Variants in SH3BP4 observed in about 807,000 individuals in gnomAD.
The protein encoded by SH3BP4 is SH3 domain-binding protein 4.
Under a neutral mutation model 65.5 loss-of-function variants are expected in SH3BP4, and 33 were observed. The ratio of observed to expected loss-of-function variants is 0.50; its 90% confidence interval spans 0.38 to 0.67. SH3BP4 has a LOEUF of 0.67. Ranked by LOEUF, SH3BP4 falls within the 30% of genes least tolerant of loss-of-function variation. SH3BP4 has a pLI of 0.00. For synonymous variants in SH3BP4, 552 were observed against 545.5 expected, an observed-to-expected ratio of 1.01 and a Z score of -0.17; for missense variants, 1,134 against 1,261.4, an observed-to-expected ratio of 0.90 and a Z score of 1.53.
In SH3BP4 at chr2:235,038,366, A is replaced by ATATT. The variant is rs1248934629; in HGVS notation, c.119-2522_119-2521insTATT. 8.7e-3 allele frequency among the ~76,000 whole-genome samples: 345 copies of ATATT among 39,648 alleles called. 26 individuals are homozygous for ATATT. The highest frequency in any genetic ancestry group is 0.038 in the African/African-American group (324 of 8,544). 26.0% of individuals were successfully genotyped at this position (39,648 alleles called of 152,430 possible). A position where few individuals can be genotyped will look rare whatever the true frequency, so the allele number is the denominator to read the frequency against. ...ATATATATTTTATATATATATATATAATATATATACATATATATATATATA... is the reference window on the plus strand; with the variant it reads ...ATATATATTTTATATATATATATATATATTATATATATACATATATATATATATA... On this transcript the variant is annotated intron_variant, in intron 3 of 5. Transcript: ENST00000392011.
intron 2 of SH3BP4, among the ~76,000 whole-genome samples, chr2:235,022,755 C>T (rs1694883164): frequency 6.6e-6 from 1 of 152,120 alleles, no homozygotes; most frequent in Non-Finnish European, 1.5e-5. Context: ...CCTTCCTACT[C>T]TACTTGAAAG....
chr2:235,019,267 T>C (rs529908410), intron 2 of SH3BP4, among the ~76,000 whole-genome samples: 28 of 151,986 alleles, frequency 1.8e-4, no homozygotes, highest in Non-Finnish European at 2.8e-4. Context: ...AGGTGAGTGA[T>C]GGTGCACACA....
intron 3 of SH3BP4, among the ~76,000 whole-genome samples, chr2:235,039,367 C>CG (rs1196640260): frequency 4.6e-5 from 7 of 151,520 alleles, no homozygotes; most frequent in Admixed American, 6.6e-5. Flanking sequence ...TTTCTGGGGT[C>CG]GGGGGGGCAA....
intron 3 of SH3BP4, among the ~76,000 whole-genome samples, chr2:235,040,649 T>TC (rs1156915500): frequency 1.3e-5 from 2 of 151,942 alleles, no homozygotes; most frequent in African/African-American, 4.8e-5. Flanking sequence ...ATGGAGAGGC[T>TC]CCTCTGTGGT....
Position 235,041,007 on chromosome 2 carries a change from G to T in SH3BP4, c.238G>T (p.Asp80Tyr). ...NFTTLKFSKG[D>Y]HLYVLDTSGG... ...CACCACACTGAAGTTCTCCAAGGGC[G>T]ACCATCTCTACGTCTTGGACACATC... The change falls in exon 4 of 6, where the codon GAC (aspartate) becomes TAC (tyrosine). Residue 80 changes from aspartate to tyrosine, a missense_variant. By Grantham distance (160) the Asp-to-Tyr change is radical. Coordinates refer to ENST00000392011, the MANE Select transcript of SH3BP4 (RefSeq NM_014521.3). This position sits in a 1 kb window ranked among gnomAD's most constrained non-coding sequence, Gnocchi z 6.0. 1 of 1,614,126 alleles carries T rather than the reference G, an allele frequency of 6.2e-7. No homozygotes were observed. Among genetic ancestry groups the T allele is most frequent in the Non-Finnish European group, 8.5e-7 (1 of 1,180,032 alleles).
At chr2:235,038,193 A>G (rs1213970606) in intron 3 of SH3BP4, among the ~76,000 whole-genome samples, 2 of 130,532 alleles carry the variant, frequency 1.5e-5, no homozygotes, top group Admixed American at 1.9e-4. Flanking sequence ...TATTTCATAT[A>G]TATATACACA....
At chr2:234,982,646 G>A (rs1693423118) in intron 1 of SH3BP4, among the ~76,000 whole-genome samples, 1 of 152,112 alleles carries the variant, frequency 6.6e-6, no homozygotes, top group Admixed American at 6.5e-5. Flanking sequence ...TTGAGGGAGA[G>A]GCAGTTTTTG....
chr2:235,035,228 G>C lies in SH3BP4; in HGVS notation c.118+108G>C. On this transcript the variant is annotated intron_variant, in intron 3 of 5. Coordinates refer to ENST00000392011, the MANE Select transcript of SH3BP4 (RefSeq NM_014521.3). This position sits in a 1 kb window ranked among gnomAD's most constrained non-coding sequence, Gnocchi z 5.0. ...AGATTGCCAGTTTAGCATTCAGATAGTTAAAGTTTAGTTCTTTAAACTTCA... is the reference window on the plus strand; with the variant it reads ...AGATTGCCAGTTTAGCATTCAGATACTTAAAGTTTAGTTCTTTAAACTTCA... The C allele has an allele frequency of 2.4e-6, 2 of 823,562 alleles. No individual in the cohort carries two copies. Among genetic ancestry groups the C allele is most frequent in the Non-Finnish European group, 4.2e-6 (2 of 477,972 alleles). 51.0% of individuals were successfully genotyped at this position (823,562 alleles called of 1,614,324 possible).
intron 2 of SH3BP4, among the ~76,000 whole-genome samples, chr2:235,005,871 G>A (rs1694276543): frequency 6.6e-6 from 1 of 152,238 alleles, no homozygotes; most frequent in South Asian, 2.1e-4. Flanking sequence ...AGGGTCCCAG[G>A]CAGGCTGGCT....
chr2:234,971,389 C>T (rs1452844587), intron 1 of SH3BP4, among the ~76,000 whole-genome samples: 1 of 152,184 alleles, frequency 6.6e-6, no homozygotes, highest in East Asian at 1.9e-4. Context: ...TTTATCCATT[C>T]ATCTGTCCAT....
At position 235,045,425 on chromosome 2, in the gene SH3BP4, T is replaced by G. The variant is rs1695822387; in HGVS notation, c.2478+2178T>G. On this transcript the variant is annotated intron_variant, in intron 4 of 5. Transcript: ENST00000392011. This position sits in a 1 kb window ranked among gnomAD's most constrained non-coding sequence, Gnocchi z 4.3. ...GATCAAACTCTCTCAATTCGATTGG[T>G]GAGCATCTCTGGGAGGGGATTTTTT... Among the ~76,000 whole-genome samples, 1 of 152,156 alleles carries G rather than the reference T, an allele frequency of 6.6e-6. No homozygotes were observed. Among genetic ancestry groups the G allele is most frequent in the Non-Finnish European group, 1.5e-5 (1 of 68,022 alleles).
intron 1 of SH3BP4, among the ~76,000 whole-genome samples, chr2:234,973,771 G>A (rs1035697991): frequency 6.6e-6 from 1 of 151,940 alleles, no homozygotes; most frequent in African/African-American, 2.4e-5. Context: ...GAGTAGCTGG[G>A]CCCACAGGCG....
At chr2:234,968,971 T>G in intron 1 of SH3BP4, among the ~76,000 whole-genome samples, 1 of 152,208 alleles carries the variant, frequency 6.6e-6, no homozygotes. Flanking sequence ...ACTGCCCTCT[T>G]CTTTGAAGAT....
rs768705679 is a variant in SH3BP4, at chr2:235,042,515, C to A, written c.1746C>A (p.Asn582Lys). ...LIFPITSQNPNELSDFTLRVQ... is the reference protein window; with the variant it reads ...LIFPITSQNPKELSDFTLRVQ... ...TCCCCATCACCTCCCAGAACCCCAACGAGCTCTCTGACTTCACGCTGCGGG... is the reference window on the plus strand; with the variant it reads ...TCCCCATCACCTCCCAGAACCCCAAAGAGCTCTCTGACTTCACGCTGCGGG... Residue 582 changes from asparagine to lysine, a missense_variant, in exon 4 of 6, where the codon AAC (asparagine) becomes AAA (lysine). By Grantham distance (94) the Asn-to-Lys change is moderately conservative (BLOSUM62 0). Coordinates refer to ENST00000392011, the MANE Select transcript of SH3BP4 (RefSeq NM_014521.3). This position sits in a 1 kb window ranked among gnomAD's most constrained non-coding sequence, Gnocchi z 7.3. 1.2e-6 allele frequency: 2 copies of A among 1,614,176 alleles called. No homozygotes were observed. Among genetic ancestry groups the A allele is most frequent in the Non-Finnish European group, 8.5e-7 (1 of 1,180,036 alleles).
Position 235,042,676 on chromosome 2 carries a change from T to C in SH3BP4, c.1907T>C (p.Leu636Pro). Residue 636 changes from leucine (L) to proline (P), a missense_variant, in exon 4 of 6, where the codon CTG (leucine) becomes CCG (proline). Leu to Pro is a moderately conservative substitution (Grantham distance 98, BLOSUM62 -3). Coordinates refer to ENST00000392011, the MANE Select transcript of SH3BP4 (RefSeq NM_014521.3). This position sits in a 1 kb window ranked among gnomAD's most constrained non-coding sequence, Gnocchi z 7.3. ...AAGAACGAAGTCGGGAAAATCATCCTGTCCCCGTTTGCCACCACTACAAAG... is the reference window on the plus strand; with the variant it reads ...AAGAACGAAGTCGGGAAAATCATCCCGTCCCCGTTTGCCACCACTACAAAG... ...LKKNEVGKII[L>P]SPFATTTKYP... The C allele has an allele frequency of 6.2e-7, 1 of 1,614,202 alleles. No homozygotes were observed.
rs548472544 is a variant in SH3BP4 at position 234,968,455 on chromosome 2, G to A, written c.-207+16285G>A. ...AGAATTATTGCATTGGGGCCAGGTG[G>A]TGTCTAGTACAGTTTTTTACTTTGG... On this transcript the variant is annotated intron_variant, in intron 1 of 5. Coordinates refer to ENST00000392011, the MANE Select transcript of SH3BP4 (RefSeq NM_014521.3). Among the ~76,000 whole-genome samples, 51 of 151,504 alleles carry A rather than the reference G, an allele frequency of 3.4e-4. 1 individual carries two copies. The highest frequency in any genetic ancestry group is 6.6e-4 in the Non-Finnish European group (45 of 67,910).
At chr2:235,040,784 A>G (rs1695606374) in intron 3 of SH3BP4, 104 bp from the exon 4 acceptor site, 1 of 973,120 alleles carries the variant, frequency 1.0e-6, no homozygotes, top group African/African-American at 1.6e-5. Flanking sequence ...TGCCTGGGTT[A>G]TTGTGCACCT....
chr2:234,977,211 C>G lies in SH3BP4; in HGVS notation c.-206-18092C>G, dbSNP rs1352834680. Among the ~76,000 whole-genome samples, 2 of 152,224 alleles carry G rather than the reference C, an allele frequency of 1.3e-5. No individual in the cohort carries two copies. The highest frequency in any genetic ancestry group is 2.9e-5 in the Non-Finnish European group (2 of 68,032). On this transcript the variant is annotated intron_variant, in intron 1 of 5. Transcript: ENST00000392011. The surrounding 1 kb of genome is among the most constrained non-coding windows in gnomAD (Gnocchi z 5.1). ...TGACCCTCTGCACCCGTGTCTGCTT[C>G]AGGCAGGTGACACTGGGCACCTCCT... is the stretch of plus-strand genomic sequence containing the variant.
intron 1 of SH3BP4, among the ~76,000 whole-genome samples, chr2:234,982,231 C>T (rs1693409741): frequency 6.6e-6 from 1 of 152,332 alleles, no homozygotes; most frequent in Non-Finnish European, 1.5e-5. Flanking sequence ...CTGGGCCTCT[C>T]CCAGCTGAGC....
Sources: gnomAD v4.1 joint callset for allele counts (sites outside exome capture counted in the v4.1 genomes callset) on GRCh38, gnomAD v4.1.1 for gene constraint, Gnocchi (gnomAD v3.1) non-coding constraint, MANE v1.5 for transcripts, NCBI Gene and HGNC (gene_info 2026-07-23, HGNC 2026-07-21) for gene names.